CDKL1: variants seen among roughly 807,000 people sequenced by gnomAD.
CDKL1 encodes cyclin-dependent kinase-like 1.
Under a neutral mutation model 42.0 loss-of-function variants are expected in CDKL1, and 41 were observed. The ratio of observed to expected loss-of-function variants is 0.98; its 90% CI spans 0.76 to 1.27. The LOEUF is 1.27. Ranked by LOEUF, CDKL1 falls within the 50% of genes most tolerant of loss-of-function variation. CDKL1 has a pLI of 0.00. For missense variants in CDKL1, 394 were observed against 428.4 expected (o/e 0.92, Z 0.71); for synonymous variants, 153 against 158.6 (o/e 0.96, Z 0.26).
intron 2 of CDKL1, among the ~76,000 whole-genome samples, chr14:50,389,359 CAAAG>C (rs1008888050): frequency 2.0e-5 from 3 of 152,100 alleles, no homozygotes; most frequent in Non-Finnish European, 4.4e-5. Flanking sequence ...TTCTCTCCCT[CAAAG>C]AGTCATTTTA....
At chr14:50,381,402 C>T (rs1254237609) in intron 2 of CDKL1, among the ~76,000 whole-genome samples, 3 of 152,170 alleles carry the variant, frequency 2.0e-5, no homozygotes, top group Non-Finnish European at 4.4e-5. Flanking sequence ...AAGCAAGTGA[C>T]AAAGAGGTAG....
At chr14:50,348,671 T>C (rs913934853) in intron 3 of CDKL1, among the ~76,000 whole-genome samples, 4 of 152,102 alleles carry the variant, frequency 2.6e-5, no homozygotes, top group East Asian at 1.9e-4. Flanking sequence ...TAGAAAACCA[T>C]AGTGAAGCTC....
intron 2 of CDKL1, among the ~76,000 whole-genome samples, chr14:50,383,841 C>CGA (rs1211254457): frequency 6.6e-6 from 1 of 152,024 alleles, no homozygotes; most frequent in Non-Finnish European, 1.5e-5. Flanking sequence ...AAGAAGGTAA[C>CGA]GAGCCAGCTT....
intron 2 of CDKL1, among the ~76,000 whole-genome samples, chr14:50,375,599 C>T (rs1354555935): frequency 6.6e-6 from 1 of 152,166 alleles, no homozygotes; most frequent in Non-Finnish European, 1.5e-5. Flanking sequence ...GTGTTTGAGA[C>T]CAGCCTGGCC....
At chr14:50,356,596 C>G (rs1268639656) in intron 3 of CDKL1, among the ~76,000 whole-genome samples, 1 of 152,198 alleles carries the variant, frequency 6.6e-6, no homozygotes, top group East Asian at 1.9e-4. Flanking sequence ...CCAAACACCA[C>G]ATGTTCTCAC....
upstream of CDKL1, chr14:50,396,975 C>T (rs1025220291): frequency 2.5e-6 from 2 of 801,310 alleles, no homozygotes; most frequent in South Asian, 1.9e-5. Context: ...TTCCCACCCC[C>T]GGCCCGGCCC....
At chr14:50,371,797 G>A (rs895841328) in intron 2 of CDKL1, among the ~76,000 whole-genome samples, 1 of 152,256 alleles carries the variant, frequency 6.6e-6, no homozygotes. Context: ...TGGGACCTGG[G>A]AGGCCCCCCA....
intron 2 of CDKL1, among the ~76,000 whole-genome samples, chr14:50,388,794 C>G (rs2035162796): frequency 6.6e-6 from 1 of 152,104 alleles, no homozygotes. Flanking sequence ...CAGCTTCAAG[C>G]ATGATCAGAA....
chr14:50,347,342 TAGAGAG>T (rs371500215), intron 3 of CDKL1, among the ~76,000 whole-genome samples: 2 of 149,932 alleles, frequency 1.3e-5, no homozygotes, highest in East Asian at 1.9e-4. Flanking sequence ...GTGTTGGATT[TAGAGAG>T]AGAGAGAGAG....
In CDKL1 at chr14:50,341,066, A is replaced by C; in HGVS notation, c.621T>G (p.Asp207Glu). Residue 207 changes from aspartate to glutamate, a missense_variant, in exon 6 of 10, where the codon GAT becomes GAG. Coordinates refer to ENST00000395834, the MANE Select transcript of CDKL1 (RefSeq NM_004196.7). ...SGVPLWPGKS[D>E]VDQLYLIRKT... is the part of the protein sequence containing the mutation. ...TCCTAATCAGATACAGCTGATCCAC[A>C]TCCGATTTTCCTGGCCACAGAGGCA... 6.2e-7 allele frequency: 1 copy of C among 1,613,958 alleles called. No individual in the cohort carries two copies. The highest frequency in any genetic ancestry group is 8.5e-7 in the Non-Finnish European group (1 of 1,180,006).
At position 50,356,418 on chromosome 14, in the gene CDKL1, T is replaced by C. The variant is rs75335279; in HGVS notation, c.290+2610A>G. Among the ~76,000 whole-genome samples the C allele has an allele frequency of 3.4e-3, 522 of 152,290 alleles. 4 individuals carry two copies. Among genetic ancestry groups the C allele is most frequent in the African/African-American group, 0.012 (492 of 41,556 alleles). ...AAATTTTATTTTATAGTATGATGTC[T>C]CTAAATTAAAAAGTTTTCATACGAT... On this transcript the variant is annotated intron_variant, in intron 3 of 9. Transcript: ENST00000395834.
chr14:50,353,421 T>A (rs1366468603), intron 3 of CDKL1, among the ~76,000 whole-genome samples: 1 of 152,150 alleles, frequency 6.6e-6, no homozygotes. Context: ...ACACAGATCA[T>A]CAAACAGTTG....
At chr14:50,394,884 C>T (rs2035353747) in intron 2 of CDKL1, among the ~76,000 whole-genome samples, 1 of 152,086 alleles carries the variant, frequency 6.6e-6, no homozygotes, top group South Asian at 2.1e-4. Flanking sequence ...TGCCTGTAAT[C>T]CCACCACTTT....
chr14:50,368,962 G>T (rs2034509795), intron 2 of CDKL1, among the ~76,000 whole-genome samples: 1 of 151,330 alleles, frequency 6.6e-6, no homozygotes, highest in African/African-American at 2.4e-5. Context: ...CACCTCCAGG[G>T]CTCAAGCGAT....
At chr14:50,351,402 A>G (rs1759643606) in intron 3 of CDKL1, among the ~76,000 whole-genome samples, 1 of 152,152 alleles carries the variant, frequency 6.6e-6, no homozygotes, top group Non-Finnish European at 1.5e-5. Context: ...ACCTGATGTA[A>G]CTATCCTGTG....
In CDKL1 at chr14:50,341,029, T is replaced by C; in HGVS notation, c.655+3A>G. On this transcript the variant is annotated splice_donor_region_variant and intron_variant, in intron 6 of 9. Coordinates refer to ENST00000395834, the MANE Select transcript of CDKL1 (RefSeq NM_004196.7). ...CAAAAGGTGGGACAAAAACACCACT[T>C]ACCCAAGGTCTTCCTAATCAGATAC... 2 of 1,611,528 alleles carry C rather than the reference T, an allele frequency of 1.2e-6. No individual in the cohort carries two copies. Among genetic ancestry groups the C allele is most frequent in the Non-Finnish European group, 1.7e-6 (2 of 1,179,978 alleles).
intron 1 of CDKL1, 141 bp downstream of exon 1, chr14:50,396,683 C>G (rs950420754): frequency 1.9e-5 from 3 of 159,740 alleles, no homozygotes; most frequent in African/African-American, 7.2e-5. Flanking sequence ...GGAGACCAAC[C>G]CGCGCCCCGC....
At chr14:50,335,436 G>A in intron 7 of CDKL1, 1 of 1,514,824 alleles carries the variant, frequency 6.6e-7, no homozygotes, top group Non-Finnish European at 8.9e-7. Context: ...CCTCCCACTA[G>A]GGCCTGCTGC....
At chr14:50,372,709 T>C (rs1440627985) in intron 2 of CDKL1, among the ~76,000 whole-genome samples, 1 of 152,324 alleles carries the variant, frequency 6.6e-6, no homozygotes. Context: ...TTTTTGTATA[T>C]TGTGTGAGAT....
Sources: allele counts gnomAD v4.1 joint callset (sites outside exome capture counted in the v4.1 genomes callset), GRCh38; gene constraint gnomAD v4.1.1; transcripts MANE v1.5; gene names NCBI Gene and HGNC (gene_info 2026-07-23, HGNC 2026-07-21).